Variants in SUSD1 observed in about 807,000 individuals in gnomAD.
The protein encoded by SUSD1 is sushi domain-containing protein 1.
Under a neutral mutation model 86.9 loss-of-function variants are expected in SUSD1, and 65 were observed. That is an observed-to-expected ratio of 0.75 (90% CI 0.61 to 0.92). The LOEUF is 0.92. Ranked by LOEUF, SUSD1 falls within the 40% of genes least tolerant of loss-of-function variation. The pLI, the probability that SUSD1 is intolerant of heterozygous loss-of-function variation, is 0.00. For missense variants in SUSD1, 850 were observed against 929.7 expected (o/e 0.91, Z 1.11); for synonymous variants, 346 against 350.0 (o/e 0.99, Z 0.13).
intron 3 of SUSD1, among the ~76,000 whole-genome samples, chr9:112,147,619 A>G (rs866771314): frequency 6.6e-6 from 1 of 152,136 alleles, no homozygotes. Flanking sequence ...AAGTACAAAA[A>G]TTAGCCAGTC....
chr9:112,171,834 C>A (rs10739335), intron 1 of SUSD1, among the ~76,000 whole-genome samples: 127,094 of 152,160 alleles, frequency 0.84, 53,479 homozygotes, highest in African/African-American at 0.94. Context: ...ATTCTCTAAA[C>A]ATCTTGGACT....
At chr9:112,148,334 AC>A (rs1832894944) in intron 3 of SUSD1, among the ~76,000 whole-genome samples, 1 of 152,108 alleles carries the variant, frequency 6.6e-6, no homozygotes. Context: ...GTTTGTCCCC[AC>A]CCTGTATTCG....
chr9:112,125,470 TAA>T (rs1831734227), intron 5 of SUSD1, among the ~76,000 whole-genome samples: 1 of 151,562 alleles, frequency 6.6e-6, no homozygotes, highest in African/African-American at 2.4e-5. Flanking sequence ...GAAAGTATAA[TAA>T]CTATAAAATA....
intron 8 of SUSD1, among the ~76,000 whole-genome samples, chr9:112,107,905 T>C (rs1433077216): frequency 7.2e-5 from 11 of 152,212 alleles, no homozygotes; most frequent in Non-Finnish European, 1.6e-4. Context: ...ACCTTATTAA[T>C]AAAGTTGACT....
At chr9:112,136,629 A>G (rs967722724) in intron 5 of SUSD1, among the ~76,000 whole-genome samples, 1 of 152,176 alleles carries the variant, frequency 6.6e-6, no homozygotes, top group African/African-American at 2.4e-5. Context: ...TCCCTCACCC[A>G]TGGTGGCATC....
At chr9:112,102,040 A>G in intron 9 of SUSD1, 136 bp downstream of exon 9, 1 of 500,922 alleles carries the variant, frequency 2.0e-6, no homozygotes, top group Non-Finnish European at 3.6e-6. Context: ...CACATCTTAC[A>G]TCCATCTCTA....
intron 10 of SUSD1, among the ~76,000 whole-genome samples, chr9:112,095,726 G>A (rs957492936): frequency 6.6e-6 from 1 of 152,192 alleles, no homozygotes; most frequent in Non-Finnish European, 1.5e-5. Context: ...ATCTTTCTGG[G>A]TTTAGAGAAA....
chr9:112,169,895 G>A (rs1219093148), intron 1 of SUSD1, among the ~76,000 whole-genome samples: 1 of 151,978 alleles, frequency 6.6e-6, no homozygotes, highest in Non-Finnish European at 1.5e-5. Context: ...GGCTGGTCTC[G>A]AACTCCTGAC....
chr9:112,077,949 A>G (rs2131552078), intron 12 of SUSD1, among the ~76,000 whole-genome samples: 1 of 152,290 alleles, frequency 6.6e-6, no homozygotes, highest in South Asian at 2.1e-4. Context: ...ATGGATGGAC[A>G]CACTACCCAC....
chr9:112,081,057 T>C (rs181359765), intron 10 of SUSD1, among the ~76,000 whole-genome samples: 1 of 152,340 alleles, frequency 6.6e-6, no homozygotes, highest in African/African-American at 2.4e-5. Context: ...CAGTTTAATG[T>C]GGAGGTACAC....
At chr9:112,156,006 AAGAG>A (rs1473953889) in intron 2 of SUSD1, among the ~76,000 whole-genome samples, 1 of 151,446 alleles carries the variant, frequency 6.6e-6, no homozygotes, top group Non-Finnish European at 1.5e-5. Flanking sequence ...GAAAGAAAGA[AAGAG>A]AGAGAAGGGA....
intron 6 of SUSD1, among the ~76,000 whole-genome samples, chr9:112,118,846 T>A (rs1449639613): frequency 6.6e-6 from 1 of 152,228 alleles, no homozygotes; most frequent in Non-Finnish European, 1.5e-5. Flanking sequence ...AAAATACACC[T>A]ACTTCATCAA....
At chr9:112,165,176 T>G (rs564381021) in intron 1 of SUSD1, among the ~76,000 whole-genome samples, 1 of 152,186 alleles carries the variant, frequency 6.6e-6, no homozygotes, top group Non-Finnish European at 1.5e-5. Flanking sequence ...TTAACTTTTG[T>G]GAGTACATAG....
chr9:112,104,111 G>A (rs1467872972), intron 8 of SUSD1, among the ~76,000 whole-genome samples: 1 of 151,690 alleles, frequency 6.6e-6, no homozygotes, highest in African/African-American at 2.4e-5. Context: ...CACCTCCCGG[G>A]CTCAAGCAAT....
chr9:112,046,449 T>C (rs1827959257), intron 15 of SUSD1, among the ~76,000 whole-genome samples: 1 of 152,124 alleles, frequency 6.6e-6, no homozygotes, highest in African/African-American at 2.4e-5. Context: ...AGACTAAACT[T>C]CACCATTCTC....
chr9:112,092,086 T>C (rs191190345), intron 10 of SUSD1, among the ~76,000 whole-genome samples: 87 of 152,334 alleles, frequency 5.7e-4, no homozygotes, highest in Non-Finnish European at 1.1e-3. Context: ...TGGGTACTTA[T>C]AAGAGAAAAC....
At position 112,089,680 on chromosome 9, in the gene SUSD1, T is replaced by C. The variant is rs547519936; in HGVS notation, c.1474+8790A>G. Reference sequence around the variant, plus strand: ...TACAAAAATTAGCTGGGCGTGGTGGTACATGCCTGTAGTCCCATCTACTCG... The same window carrying C: ...TACAAAAATTAGCTGGGCGTGGTGGCACATGCCTGTAGTCCCATCTACTCG... On this transcript the variant is annotated intron_variant, in intron 10 of 16. Coordinates refer to ENST00000374270, the MANE Select transcript of SUSD1 (RefSeq NM_022486.5). 1.2e-4 allele frequency among the ~76,000 whole-genome samples: 18 copies of C among 151,816 alleles called. No individual in the cohort carries two copies. In the East Asian group the frequency reaches 3.1e-3, roughly 26 times the overall value.
At chr9:112,065,339 A>G (rs1828930074) in intron 12 of SUSD1, among the ~76,000 whole-genome samples, 1 of 152,152 alleles carries the variant, frequency 6.6e-6, no homozygotes, top group Non-Finnish European at 1.5e-5. Context: ...CCTGGGCAAC[A>G]TGGTGAAATC....
At chr9:112,061,490 C>A (rs1828724226) in intron 13 of SUSD1, among the ~76,000 whole-genome samples, 1 of 152,196 alleles carries the variant, frequency 6.6e-6, no homozygotes, top group Admixed American at 6.5e-5. Context: ...CGCTGGCCGG[C>A]ATATAGCCAC....
Sources: allele counts gnomAD v4.1 joint callset (sites outside exome capture counted in the v4.1 genomes callset), GRCh38; gene constraint gnomAD v4.1.1; transcripts MANE v1.5; gene names NCBI Gene and HGNC (gene_info 2026-07-23, HGNC 2026-07-21).